The following PIGN variants were observed in gnomAD, a reference collection of about 807,000 sequenced individuals.
The protein encoded by PIGN is GPI ethanolamine phosphate transferase 1.
PIGN carries 117 observed loss-of-function variants against 125.4 expected under a neutral mutation model. The ratio of observed to expected loss-of-function variants is 0.93; its 90% CI spans 0.80 to 1.09. The LOEUF (loss-of-function observed/expected upper bound fraction) is 1.09, where lower values mean the gene tolerates loss of function less well. PIGN is among the 50% of genes least tolerant of loss of function. The pLI, the probability that PIGN is intolerant of heterozygous loss-of-function variation, is 0.00. For synonymous variants in PIGN, 392 were observed against 377.8 expected (o/e 1.04, Z -0.44); for missense variants, 1,075 against 1,094.9 (o/e 0.98, Z 0.26).
intron 7 of PIGN, chr18:62,153,392 T>G (rs1234983599): frequency 2.0e-5 from 3 of 152,184 alleles, no homozygotes; most frequent in Non-Finnish European, 4.4e-5. Flanking sequence ...GTGTCAAGAC[T>G]AGTAGTGTTG....
At chr18:62,175,741 C>A (rs1433273781) in intron 1 of PIGN, among the ~76,000 whole-genome samples, 1 of 152,226 alleles carries the variant, frequency 6.6e-6, no homozygotes, top group East Asian at 1.9e-4. Flanking sequence ...TGCTCACCAC[C>A]TAACGGCATA....
chr18:62,145,015 G>GA (rs1038807340), intron 10 of PIGN, among the ~76,000 whole-genome samples: 12 of 151,098 alleles, frequency 7.9e-5, no homozygotes, highest in Non-Finnish European at 1.8e-4. Flanking sequence ...TGGCGGGGGG[G>GA]GGGGGGCAGG....
rs1555685797 is a variant in PIGN, at chr18:62,113,309, AG to A, written c.1258del (p.Leu420PhefsTer5). 6.2e-7 allele frequency: 1 copy of A among 1,603,298 alleles called. No homozygotes were observed. The highest frequency in any genetic ancestry group is 8.5e-7 in the Non-Finnish European group (1 of 1,175,582). ...KHRKFDEVVS[L>X]CKELIHLALK... is the part of the protein sequence containing the mutation. The stretch of plus-strand genomic sequence containing the variant: ...TGCAAGATGAATTAGCTCCTTGCAA[AG>A]GGAGACCTATGGAGAAAAAACATAT... On this transcript the variant is annotated frameshift_variant, in exon 16 of 31. Coordinates refer to ENST00000640252, the MANE Select transcript of PIGN (RefSeq NM_176787.5). LOFTEE classifies it high-confidence loss of function.
chr18:62,072,940 C>A (rs889065396), intron 29 of PIGN, among the ~76,000 whole-genome samples: 1 of 151,942 alleles, frequency 6.6e-6, no homozygotes, highest in African/African-American at 2.4e-5. Context: ...CAAATGAACA[C>A]AAAAGTGACA....
intron 20 of PIGN, among the ~76,000 whole-genome samples, chr18:62,104,092 G>A (rs1361289786): frequency 6.6e-6 from 1 of 152,094 alleles, no homozygotes; most frequent in East Asian, 1.9e-4. Flanking sequence ...GAAAAGGAGA[G>A]TAGAAATTTC....
At chr18:62,063,768 G>A (rs945177332) in intron 30 of PIGN, among the ~76,000 whole-genome samples, 1 of 151,348 alleles carries the variant, frequency 6.6e-6, no homozygotes, top group Non-Finnish European at 1.5e-5. Flanking sequence ...ATGAGTTCGT[G>A]TACTTTGCAG....
Position 62,082,758 on chromosome 18 carries a change from C to T in PIGN, c.2503-12G>A. On this transcript the variant is annotated splice_polypyrimidine_tract_variant and intron_variant, in intron 27 of 30. Transcript: ENST00000640252. ...AAGGGGATTAAAATCTGTAAAAGAA[C>T]AATAAATGATGCAAGGAATAACTGA... The T allele has an allele frequency of 6.9e-7, 1 of 1,441,712 alleles. No individual in the cohort carries two copies. The highest frequency in any genetic ancestry group is 9.5e-7 in the Non-Finnish European group (1 of 1,050,212). The allele number at this position is 1,441,712 out of a possible 1,614,324, so 89.3% of individuals were successfully genotyped here.
At position 62,105,699 on chromosome 18, in the gene PIGN, C is replaced by A. The variant is rs2034612133; in HGVS notation, c.1768-65G>T. ...ATAGAAAACTATCATTAGTGTTTCA[C>A]AGACTATATGACTGTGAAGGTAAAA... On this transcript the variant is annotated intron_variant, in intron 19 of 30. Coordinates refer to ENST00000640252, the MANE Select transcript of PIGN (RefSeq NM_176787.5). 6 of 889,032 alleles carry A rather than the reference C, an allele frequency of 6.7e-6. No homozygotes were observed. In the South Asian group the frequency reaches 9.7e-5, roughly 14 times the overall value. The allele number at this position is 889,032 out of a possible 1,614,324, so 55.1% of individuals were successfully genotyped here.
chr18:62,078,412 G>A (rs1259586178), intron 28 of PIGN, among the ~76,000 whole-genome samples: 1 of 152,224 alleles, frequency 6.6e-6, no homozygotes, highest in Admixed American at 6.5e-5. Context: ...GCTAGTAACA[G>A]TAAGTCATAG....
intron 1 of PIGN, among the ~76,000 whole-genome samples, chr18:62,182,633 C>CT (rs1464707437): frequency 1.3e-5 from 2 of 152,204 alleles, no homozygotes; most frequent in Non-Finnish European, 2.9e-5. Context: ...CCTATATACT[C>CT]TAACCCTTCT....
At chr18:62,135,133 T>C (rs937066219) in intron 14 of PIGN, among the ~76,000 whole-genome samples, 1 of 152,350 alleles carries the variant, frequency 6.6e-6, no homozygotes, top group Non-Finnish European at 1.5e-5. Context: ...TTATTAAATG[T>C]AGAAGTTATT....
intron 7 of PIGN, chr18:62,153,956 A>G (rs1171650692): frequency 6.6e-6 from 1 of 152,166 alleles, no homozygotes; most frequent in Non-Finnish European, 1.5e-5. Flanking sequence ...CAATGTCCAC[A>G]ATTGAGATTT....
chr18:62,085,185 T>C (rs2033640328), intron 26 of PIGN, 24 bp downstream of exon 26: 4 of 1,289,878 alleles, frequency 3.1e-6, no homozygotes, highest in Non-Finnish European at 4.4e-6. Context: ...GTTATATATA[T>C]ATGCCACTTT....
chr18:62,101,844 C>T (rs538221930), intron 21 of PIGN, among the ~76,000 whole-genome samples: 3 of 152,096 alleles, frequency 2.0e-5, no homozygotes, highest in African/African-American at 7.2e-5. Flanking sequence ...TGTTTTCCAT[C>T]GTTATCTATG....
chr18:62,026,099 A>T (rs1217078181), intron 23 of PIGN, among the ~76,000 whole-genome samples: 1 of 152,224 alleles, frequency 6.6e-6, no homozygotes. Flanking sequence ...ACATTGTGAT[A>T]GCTCAGTTAT....
intron 1 of PIGN, among the ~76,000 whole-genome samples, chr18:62,186,041 A>ATTTTTTT (rs755658401): frequency 2.0e-5 from 2 of 102,234 alleles, no homozygotes; most frequent in African/African-American, 3.9e-5. Flanking sequence ...AGCGGAATTG[A>ATTTTTTT]TTTTTTTTTT....
At chr18:62,096,002 T>C in intron 22 of PIGN, 52 bp from the exon 23 acceptor site, 3 of 1,240,920 alleles carry the variant, frequency 2.4e-6, no homozygotes, top group Non-Finnish European at 3.5e-6. Context: ...ACAAAAAAAA[T>C]GTTAGCGTAG....
chr18:62,156,205 T>C (rs942130113), intron 6 of PIGN, among the ~76,000 whole-genome samples: 4 of 152,188 alleles, frequency 2.6e-5, no homozygotes, highest in Non-Finnish European at 4.4e-5. Context: ...TAAATCTAAA[T>C]GCTACATTCA....
At chr18:62,164,191 T>A (rs2037050846) in intron 1 of PIGN, among the ~76,000 whole-genome samples, 1 of 152,210 alleles carries the variant, frequency 6.6e-6, no homozygotes, top group Non-Finnish European at 1.5e-5. Flanking sequence ...CCAAAGGCAG[T>A]CATGTAGATC....
Sources: gnomAD v4.1 joint callset for allele counts (sites outside exome capture counted in the v4.1 genomes callset) on GRCh38, gnomAD v4.1.1 for gene constraint, MANE v1.5 for transcripts, NCBI Gene and HGNC (gene_info 2026-07-23, HGNC 2026-07-21) for gene names.